The following PDSS2 variants were observed in gnomAD, a reference collection of about 807,000 sequenced individuals.
PDSS2 encodes the protein decaprenyl diphosphate synthase subunit 2.
A neutral mutation model predicts 44.5 loss-of-function variants in PDSS2; 31 were observed. The observed-to-expected ratio is 0.70, with a 90% confidence interval of 0.52 to 0.94. The LOEUF (loss-of-function observed/expected upper bound fraction) is 0.94. PDSS2 is among the 40% of genes least tolerant of loss of function. The pLI is 0.00. For missense variants in PDSS2, 452 were observed against 482.2 expected (o/e 0.94, Z 0.59); for synonymous variants, 157 against 180.3 (o/e 0.87, Z 1.03).
chr6:107,291,768 T>C (rs565119975), intron 2 of PDSS2, among the ~76,000 whole-genome samples: 1 of 152,102 alleles, frequency 6.6e-6, no homozygotes, highest in Non-Finnish European at 1.5e-5. Flanking sequence ...ATCCCAACAC[T>C]TTGGGAGGCC....
At chr6:107,323,667 C>G (rs142561806) in intron 2 of PDSS2, among the ~76,000 whole-genome samples, 2 of 152,216 alleles carry the variant, frequency 1.3e-5, no homozygotes, top group African/African-American at 4.8e-5. Flanking sequence ...TAAGCTGACT[C>G]TGCCAATAAA....
chr6:107,303,752 A>G (rs2115077112), intron 2 of PDSS2, among the ~76,000 whole-genome samples: 1 of 152,322 alleles, frequency 6.6e-6, no homozygotes, highest in South Asian at 2.1e-4. Flanking sequence ...ATTCTCTATT[A>G]TTGTAAACAC....
At chr6:107,319,657 T>A (rs1777320784) in intron 2 of PDSS2, among the ~76,000 whole-genome samples, 1 of 152,216 alleles carries the variant, frequency 6.6e-6, no homozygotes, top group African/African-American at 2.4e-5. Flanking sequence ...TTGAGGAAGA[T>A]CAACTTTCAG....
At chr6:107,283,762 G>C (rs537282855) in intron 2 of PDSS2, among the ~76,000 whole-genome samples, 1 of 151,602 alleles carries the variant, frequency 6.6e-6, no homozygotes, top group Admixed American at 6.6e-5. Context: ...GACGGGTGTG[G>C]TGGCTCACGC....
chr6:107,263,179 G>GC (rs61131425), intron 3 of PDSS2, among the ~76,000 whole-genome samples: 63,525 of 151,542 alleles, frequency 0.42, 14,641 homozygotes, highest in Middle Eastern at 0.63. Context: ...TTGGCCAGGC[G>GC]CGGTGGCTTA....
chr6:107,175,618 T>C (rs567376277), intron 7 of PDSS2, among the ~76,000 whole-genome samples: 1 of 152,190 alleles, frequency 6.6e-6, no homozygotes, highest in Non-Finnish European at 1.5e-5. Context: ...TTTATAGAGA[T>C]TGCAGAAAAT....
intron 4 of PDSS2, among the ~76,000 whole-genome samples, chr6:107,229,100 C>T (rs914445261): frequency 3.3e-5 from 5 of 152,166 alleles, no homozygotes; most frequent in African/African-American, 1.2e-4. Context: ...TTAGAATATA[C>T]ACTTTTTTAA....
chr6:107,192,414 G>A (rs1772411720), intron 7 of PDSS2: 2 of 500,100 alleles, frequency 4.0e-6, no homozygotes, highest in Non-Finnish European at 8.0e-6. Flanking sequence ...AATCAAAGAA[G>A]AGGCAGTGAA....
intron 3 of PDSS2, among the ~76,000 whole-genome samples, chr6:107,264,801 T>A (rs1775358473): frequency 1.3e-5 from 2 of 152,146 alleles, no homozygotes; most frequent in South Asian, 4.1e-4. Flanking sequence ...GCTCAAACAC[T>A]AAAATTTTAG....
chr6:107,440,254 G>C (rs1781474959), intron 1 of PDSS2, among the ~76,000 whole-genome samples: 1 of 152,152 alleles, frequency 6.6e-6, no homozygotes, highest in African/African-American at 2.4e-5. Context: ...CTGTCATGTT[G>C]CTACCAACAC....
intron 4 of PDSS2, among the ~76,000 whole-genome samples, chr6:107,228,537 T>C (rs962657066): frequency 2.0e-5 from 3 of 151,850 alleles, no homozygotes; most frequent in African/African-American, 7.3e-5. Context: ...CTACTAAAAA[T>C]ACAAAAAATT....
chr6:107,215,419 G>A (rs1032021630), intron 4 of PDSS2, among the ~76,000 whole-genome samples: 4 of 152,096 alleles, frequency 2.6e-5, no homozygotes, highest in Non-Finnish European at 4.4e-5. Context: ...AGCAACTGAT[G>A]TGTATTTCTT....
intron 1 of PDSS2, among the ~76,000 whole-genome samples, chr6:107,429,907 T>C (rs1253611320): frequency 4.9e-4 from 8 of 16,486 alleles, no homozygotes; most frequent in African/African-American, 1.8e-3. Flanking sequence ...AAAAAATATA[T>C]ATATATATAT....
At chr6:107,398,622 C>G (rs1306327871) in intron 1 of PDSS2, among the ~76,000 whole-genome samples, 1 of 152,204 alleles carries the variant, frequency 6.6e-6, no homozygotes, top group African/African-American at 2.4e-5. Flanking sequence ...CTTGGCTTTT[C>G]TAGACTGGCC....
chr6:107,388,897 AC>A (rs1297647660), intron 1 of PDSS2, among the ~76,000 whole-genome samples: 7 of 151,350 alleles, frequency 4.6e-5, no homozygotes, highest in Admixed American at 4.6e-4. Flanking sequence ...GGAATAACCT[AC>A]TGATTCACAC....
intron 7 of PDSS2, among the ~76,000 whole-genome samples, chr6:107,170,548 C>T (rs1554248290): frequency 1.3e-5 from 2 of 151,796 alleles, no homozygotes; most frequent in East Asian, 3.9e-4. Flanking sequence ...CCGTCTTCTG[C>T]ATTGCTCACG....
intron 1 of PDSS2, among the ~76,000 whole-genome samples, chr6:107,372,597 G>A (rs1489372993): frequency 3.3e-5 from 5 of 152,136 alleles, no homozygotes; most frequent in Admixed American, 2.0e-4. Context: ...GACTACAGGC[G>A]CCCGCCACCA....
At chr6:107,184,510 AATG>A (rs1338292742) in intron 7 of PDSS2, among the ~76,000 whole-genome samples, 1 of 152,230 alleles carries the variant, frequency 6.6e-6, no homozygotes, top group East Asian at 1.9e-4. Context: ...AAAGGGAAGT[AATG>A]ATATGTGATC....
intron 1 of PDSS2, among the ~76,000 whole-genome samples, chr6:107,353,250 G>A (rs1393682193): frequency 1.3e-5 from 2 of 152,012 alleles, no homozygotes; most frequent in Admixed American, 1.3e-4. Context: ...CAACACATGT[G>A]GATGTACACA....
Sources: gnomAD v4.1 joint callset for allele counts (sites outside exome capture counted in the v4.1 genomes callset) on GRCh38, gnomAD v4.1.1 for gene constraint, MANE v1.5 for transcripts, NCBI Gene and HGNC (gene_info 2026-07-23, HGNC 2026-07-21) for gene names.